The following CHMP2B variants were observed in gnomAD, a reference collection of about 807,000 sequenced individuals.
CHMP2B encodes charged multivesicular body protein 2B, also known as VPS2 homolog B.
A neutral mutation model predicts 29.8 loss-of-function variants in CHMP2B; 22 were observed. The observed-to-expected ratio is 0.74, with a 90% confidence interval of 0.53 to 1.05. CHMP2B has a LOEUF of 1.05. CHMP2B is among the 50% of genes least tolerant of loss of function. CHMP2B has a pLI of 0.00. For synonymous variants in CHMP2B, 78 were observed against 75.8 expected (o/e 1.03, Z -0.15); for missense variants, 261 against 252.2 (o/e 1.03, Z -0.24).
At chr3:87,253,593 T>G in intron 5 of CHMP2B, 83 bp downstream of exon 5, 2 of 1,321,638 alleles carry the variant, frequency 1.5e-6, no homozygotes, top group Non-Finnish European at 2.2e-6. Flanking sequence ...TACTAGGAGG[T>G]GCATGGTTTT....
At chr3:87,252,519 C>A (rs1706332858) in intron 4 of CHMP2B, among the ~76,000 whole-genome samples, 1 of 151,824 alleles carries the variant, frequency 6.6e-6, no homozygotes, top group African/African-American at 2.4e-5. Flanking sequence ...TGTGGTTAAA[C>A]CCTACGTATC....
chr3:87,229,616 A>G (rs544485652), intron 1 of CHMP2B, among the ~76,000 whole-genome samples: 134 of 152,140 alleles, frequency 8.8e-4, no homozygotes, highest in African/African-American at 3.2e-3. Flanking sequence ...CTTGGTAATG[A>G]GGCTGTATAT....
chr3:87,234,994 C>CAT (rs3840195), intron 1 of CHMP2B, among the ~76,000 whole-genome samples: 131,108 of 152,122 alleles, frequency 0.86, 56,595 homozygotes, highest in Admixed American at 0.89. Flanking sequence ...ATTTTAAAGA[C>CAT]GTGTTAAATA....
intron 3 of CHMP2B, among the ~76,000 whole-genome samples, chr3:87,248,297 CA>C (rs926190576): frequency 2.0e-5 from 3 of 147,662 alleles, no homozygotes; most frequent in Non-Finnish European, 4.5e-5. Flanking sequence ...GAGACTGTCT[CA>C]AAAAAAAAGA....
chr3:87,254,168 T>C lies in CHMP2B; in HGVS notation c.*346T>C, dbSNP rs1706363093. ...ATATAAAAATCTTGTTAAATGCCAT[T>C]AGGCACCAACTTAAAGAGGGTTGTA... On this transcript the variant is annotated 3_prime_UTR_variant, in exon 6 of 6. Coordinates refer to ENST00000263780, the MANE Select transcript of CHMP2B (RefSeq NM_014043.4). 4.2e-6 allele frequency: 1 copy of C among 235,994 alleles called. No individual in the cohort carries two copies. The highest frequency in any genetic ancestry group is 5.6e-5 in the South Asian group (1 of 18,014). 14.6% of individuals were successfully genotyped at this position (235,994 alleles called of 1,614,324 possible). A position where few individuals can be genotyped will look rare whatever the true frequency, so the allele number is the denominator to read the frequency against.
intron 1 of CHMP2B, among the ~76,000 whole-genome samples, chr3:87,232,692 A>G (rs907876768): frequency 2.0e-5 from 3 of 152,132 alleles, no homozygotes; most frequent in East Asian, 1.9e-4. Context: ...ACCATTTCCT[A>G]TCTTCAGGTC....
chr3:87,250,914 C>T (rs975112912), intron 4 of CHMP2B, among the ~76,000 whole-genome samples: 2 of 151,782 alleles, frequency 1.3e-5, no homozygotes, highest in African/African-American at 4.8e-5. Context: ...TTCATAGCAC[C>T]CTCGTCAACA....
chr3:87,245,343 C>G (rs2106907709), intron 2 of CHMP2B, among the ~76,000 whole-genome samples: 1 of 151,556 alleles, frequency 6.6e-6, no homozygotes, highest in South Asian at 2.1e-4. Flanking sequence ...AGTTTTAGAT[C>G]TATCACTTTG....
intron 4 of CHMP2B, among the ~76,000 whole-genome samples, chr3:87,250,605 A>T (rs1300662744): frequency 1.3e-5 from 2 of 151,978 alleles, no homozygotes. Context: ...TAACATAAGC[A>T]GATACTCATG....
chr3:87,245,969 T>C, intron 3 of CHMP2B, 61 bp downstream of exon 3: 1 of 1,398,960 alleles, frequency 7.1e-7, no homozygotes, highest in Non-Finnish European at 1.0e-6. Context: ...TAAATATCAA[T>C]ATTGAAAGCA....
chr3:87,235,454 C>T (rs977008791), intron 1 of CHMP2B, among the ~76,000 whole-genome samples: 1 of 152,086 alleles, frequency 6.6e-6, no homozygotes, highest in Admixed American at 6.6e-5. Context: ...TAGTATGTAA[C>T]ATTAGCCGCT....
intron 1 of CHMP2B, among the ~76,000 whole-genome samples, chr3:87,231,985 A>G (rs1396671678): frequency 6.6e-6 from 1 of 152,152 alleles, no homozygotes; most frequent in Non-Finnish European, 1.5e-5. Context: ...CAGAGTCTTC[A>G]GCAGAAATGA....
rs896467005 is a variant in CHMP2B at position 87,228,939 on chromosome 3, G to T, written c.34+1383G>T. The stretch of plus-strand genomic sequence containing the variant: ...TTTTACAGTACTCCAGGGAGTGGGG[G>T]TGGGGGAACGATTTATTTTCTTTTT... On this transcript the variant is annotated intron_variant, in intron 1 of 5. Coordinates refer to ENST00000263780, the MANE Select transcript of CHMP2B (RefSeq NM_014043.4). Among the ~76,000 whole-genome samples, 31 of 151,450 alleles carry T rather than the reference G, an allele frequency of 2.0e-4. 1 individual carries two copies. Among genetic ancestry groups the T allele is most frequent in the Non-Finnish European group, 2.9e-5 (2 of 67,912 alleles).
chr3:87,233,491 C>T (rs544758349), intron 1 of CHMP2B, among the ~76,000 whole-genome samples: 8 of 152,110 alleles, frequency 5.3e-5, no homozygotes, highest in East Asian at 1.9e-4. Flanking sequence ...AACATCCTTA[C>T]GTAGCCAGGA....
intron 3 of CHMP2B, among the ~76,000 whole-genome samples, chr3:87,249,368 A>C (rs930174552): frequency 2.0e-4 from 30 of 152,140 alleles, no homozygotes; most frequent in African/African-American, 7.2e-4. Flanking sequence ...ATAATGTAAG[A>C]GAATTGTTTT....
chr3:87,239,716 A>G (rs536803108), intron 1 of CHMP2B, among the ~76,000 whole-genome samples: 69 of 152,298 alleles, frequency 4.5e-4, no homozygotes, highest in Non-Finnish European at 8.4e-4. Flanking sequence ...TAATTCTTCA[A>G]AAGGTAGGTC....
chr3:87,227,593 C>T, intron 1 of CHMP2B, 37 bp downstream of exon 1: 1 of 1,613,566 alleles, frequency 6.2e-7, no homozygotes, highest in Non-Finnish European at 8.5e-7. Context: ...CCCAGCTCTG[C>T]GTTTTCTCGG....
chr3:87,243,386 GTT>G (rs554464106), intron 2 of CHMP2B, among the ~76,000 whole-genome samples: 1 of 151,418 alleles, frequency 6.6e-6, no homozygotes, highest in Non-Finnish European at 1.5e-5. Flanking sequence ...TGTGTGGTGG[GTT>G]TTTTTTGTTT....
chr3:87,253,366 G>T, intron 4 of CHMP2B, 38 bp from the exon 5 acceptor site: 1 of 1,225,246 alleles, frequency 8.2e-7, no homozygotes, highest in South Asian at 1.2e-5. Flanking sequence ...AAGTTTGTTT[G>T]AAAGTAACTG....
Sources: gnomAD v4.1 joint callset for allele counts (sites outside exome capture counted in the v4.1 genomes callset) on GRCh38, gnomAD v4.1.1 for gene constraint, MANE v1.5 for transcripts, NCBI Gene and HGNC (gene_info 2026-07-23, HGNC 2026-07-21) for gene names.